The following SMC6 variants were observed in gnomAD, a reference collection of about 807,000 sequenced individuals.
The protein encoded by SMC6 is structural maintenance of chromosomes 6.
In SMC6, 79 loss-of-function variants were observed where a neutral mutation model predicts 142.2. That is an observed-to-expected ratio of 0.56 (90% CI 0.46 to 0.67). The LOEUF (loss-of-function observed/expected upper bound fraction) is 0.67. Among genes scored for constraint, SMC6 ranks in the 30% least tolerant of loss-of-function variants. SMC6 has a pLI of 0.00. For missense variants in SMC6, 1,072 were observed against 1,284.0 expected, an observed-to-expected ratio of 0.83 and a Z score of 2.52; for synonymous variants, 411 against 412.4, an observed-to-expected ratio of 1.00 and a Z score of 0.04.
At chr2:17,718,293 A>T in intron 11 of SMC6, 70 bp from the exon 12 acceptor site, 6 of 1,025,898 alleles carry the variant, frequency 5.8e-6, no homozygotes, top group Admixed American at 2.9e-5. Flanking sequence ...ATAATTATCT[A>T]TAGTTCATAT....
intron 6 of SMC6, among the ~76,000 whole-genome samples, chr2:17,731,539 A>C (rs1669912371): frequency 6.6e-6 from 1 of 152,234 alleles, no homozygotes; most frequent in African/African-American, 2.4e-5. Flanking sequence ...CAATTCTGCT[A>C]ATCATGCTTT....
Position 17,731,817 on chromosome 2 carries a change from C to T in SMC6, c.405G>A (p.Val135=), listed in dbSNP as rs781006626. 6.2e-7 allele frequency: 1 copy of T among 1,613,748 alleles called. No individual in the cohort carries two copies. The highest frequency in any genetic ancestry group is 8.5e-7 in the Non-Finnish European group (1 of 1,179,798). Reference sequence around the variant, plus strand: ...GCTGTATAAGTATAGAGTTACCATACACACTGGCTTTAAAGGCATCATCTC... The same window carrying T: ...GCTGTATAAGTATAGAGTTACCATATACACTGGCTTTAAAGGCATCATCTC... ...NRGDDAFKAS[V]YGNSILIQQH... Residue 135 remains valine, a synonymous_variant, in exon 6 of 28, where the codon GTG becomes GTA. Transcript: ENST00000448223.
In SMC6 at chr2:17,695,442, T is replaced by C. The variant is rs144845281; in HGVS notation, c.2533-145A>G. On this transcript the variant is annotated intron_variant, in intron 22 of 27. Transcript: ENST00000448223. ...TTACATTTAATATCAATGTTATTTA[T>C]ATTTATCTAAGTTTTATATTGAAGA... 966 of 654,142 alleles carry C rather than the reference T, an allele frequency of 1.5e-3. 14 individuals carry two copies. In the African/African-American group the frequency reaches 0.016, roughly 11 times the overall value. 40.5% of individuals were successfully genotyped at this position (654,142 alleles called of 1,614,324 possible).
rs1669628620 is a variant in SMC6 at position 17,726,421 on chromosome 2, A to G, written c.592T>C (p.Leu198=). 1 of 1,612,314 alleles carries G rather than the reference A, an allele frequency of 6.2e-7. No homozygotes were observed. The highest frequency in any genetic ancestry group is 1.7e-5 in the Admixed American group (1 of 59,778). The change falls in exon 8 of 28, where the codon TTA becomes CTA. Residue 198 remains leucine, a synonymous_variant. Transcript: ENST00000448223. Reference sequence around the variant, plus strand: ...TTGTCTCCTTCATTTTTAGACTGTAAGAACTGCTTGCTCATTTCTTGTGTT... The same window carrying G: ...TTGTCTCCTTCATTTTTAGACTGTAGGAACTGCTTGCTCATTTCTTGTGTT... ...VLTQEMSKQF[L]QSKNEGDKYK... is the part of the protein sequence containing the mutation.
At chr2:17,702,095 T>C (rs576987516) in intron 19 of SMC6, among the ~76,000 whole-genome samples, 186 bp from the exon 20 acceptor site, 26 of 152,336 alleles carry the variant, frequency 1.7e-4, no homozygotes, top group Non-Finnish European at 3.1e-4. Context: ...ATATCATTCT[T>C]ATATACTAAT....
At chr2:17,670,680 T>C (rs546041198) in intron 25 of SMC6, 105 bp from the exon 26 acceptor site, 4 of 1,165,894 alleles carry the variant, frequency 3.4e-6, no homozygotes, top group Non-Finnish European at 4.7e-6. Context: ...AAAAAGGAGA[T>C]GGGAATAAAA....
chr2:17,686,343 A>T (rs879404854), intron 23 of SMC6, among the ~76,000 whole-genome samples: 1 of 152,118 alleles, frequency 6.6e-6, no homozygotes, highest in Admixed American at 6.6e-5. Context: ...TTAGCTGGGC[A>T]TGGTGGCAGG....
intron 23 of SMC6, among the ~76,000 whole-genome samples, chr2:17,685,659 G>C (rs1053600135): frequency 1.3e-5 from 2 of 151,642 alleles, no homozygotes; most frequent in African/African-American, 4.8e-5. Flanking sequence ...AAAAATCATA[G>C]GTAATTAGAA....
At chr2:17,731,261 C>T (rs1445014675) in intron 6 of SMC6, 122 bp from the exon 7 acceptor site, 3 of 661,080 alleles carry the variant, frequency 4.5e-6, no homozygotes, top group Non-Finnish European at 7.8e-6. Context: ...AGAAAGGTAC[C>T]ATTGAATACG....
At chr2:17,716,029 G>T in intron 15 of SMC6, 57 bp downstream of exon 15, 1 of 1,329,810 alleles carries the variant, frequency 7.5e-7, no homozygotes, top group Non-Finnish European at 9.9e-7. Flanking sequence ...CAATCGTTCT[G>T]AAAATAAAAA....
At chr2:17,684,779 T>C (rs1667375989) in intron 23 of SMC6, among the ~76,000 whole-genome samples, 1 of 152,128 alleles carries the variant, frequency 6.6e-6, no homozygotes, top group Non-Finnish European at 1.5e-5. Context: ...TGAGCCATGA[T>C]TGTACCACTG....
intron 4 of SMC6, among the ~76,000 whole-genome samples, chr2:17,740,583 G>A (rs1433319529): frequency 3.3e-5 from 5 of 152,198 alleles, no homozygotes; most frequent in African/African-American, 1.2e-4. Flanking sequence ...GCCGGGCGCA[G>A]TGGCTCACAC....
Position 17,731,825 on chromosome 2 carries a change from C to T in SMC6, c.397G>A (p.Ala133Thr), listed in dbSNP as rs1360857081. The T allele has an allele frequency of 1.9e-6, 3 of 1,613,788 alleles. No individual in the cohort carries two copies. Among genetic ancestry groups the T allele is most frequent in the Admixed American group, 1.7e-5 (1 of 60,012 alleles). ...AGTATAGAGTTACCATACACACTGG[C>T]TTTAAAGGCATCATCTCCTCTGTTC... ...LRNRGDDAFK[A>T]SVYGNSILIQ... is the part of the protein sequence containing the mutation. The change falls in exon 6 of 28, where the codon GCC (alanine) becomes ACC (threonine). Residue 133 changes from alanine (A) to threonine (T), a missense_variant. Transcript: ENST00000448223.
Position 17,700,334 on chromosome 2 carries a change from C to T in SMC6, c.2268G>A (p.Glu756=), listed in dbSNP as rs1298687202. ...TTTCTTTTTGTTGCTCCATATGTTC[C>T]TCAACCATTTTCATTTTGCTTTTAT... The part of the protein sequence containing the change: ...QENKSKMKMV[E]EHMEQQKENM... The change falls in exon 21 of 28, where the codon GAG becomes GAA. Residue 756 remains glutamate, a synonymous_variant. Coordinates refer to ENST00000448223, the MANE Select transcript of SMC6 (RefSeq NM_001142286.2). 1.2e-6 allele frequency: 2 copies of T among 1,608,084 alleles called. No homozygotes were observed. Among genetic ancestry groups the T allele is most frequent in the Non-Finnish European group, 1.7e-6 (2 of 1,177,856 alleles).
intron 6 of SMC6, 137 bp from the exon 7 acceptor site, chr2:17,731,276 A>G: frequency 1.6e-6 from 1 of 620,810 alleles, no homozygotes; most frequent in South Asian, 2.0e-5. Flanking sequence ...AATACGTACA[A>G]ATATGAATGA....
chr2:17,683,902 A>C, intron 23 of SMC6, 139 bp from the exon 24 acceptor site: 1 of 750,154 alleles, frequency 1.3e-6, no homozygotes, highest in Non-Finnish European at 2.3e-6. Context: ...CAATTTCATA[A>C]ATTTCCAGGC....
At chr2:17,722,878 G>C (rs1324876174) in intron 9 of SMC6, among the ~76,000 whole-genome samples, 1 of 151,656 alleles carries the variant, frequency 6.6e-6, no homozygotes, top group Non-Finnish European at 1.5e-5. Context: ...TTTTTATTGA[G>C]ACCAGACTTA....
intron 24 of SMC6, among the ~76,000 whole-genome samples, chr2:17,682,299 G>A (rs976061378): frequency 6.6e-6 from 1 of 152,178 alleles, no homozygotes; most frequent in African/African-American, 2.4e-5. Flanking sequence ...CTATCAGATA[G>A]TGACTATCAG....
chr2:17,683,749 G>A lies in SMC6; in HGVS notation c.2693C>T (p.Ala898Val), dbSNP rs1261249457. Residue 898 changes from alanine to valine, a missense_variant, in exon 24 of 28, where the codon GCA (alanine) becomes GTA (valine). Transcript: ENST00000448223. ...REEIMRQYQE[A>V]RETYLDLDSK... ...ATCCAGATCAAGATAGGTCTCTCTT[G>A]CTTCTTGGTACTGCCTATTATATAA... The A allele has an allele frequency of 3.1e-6, 5 of 1,609,776 alleles. No homozygotes were observed. The highest frequency in any genetic ancestry group is 1.3e-5 in the African/African-American group (1 of 74,640).
Sources: gnomAD v4.1 joint callset for allele counts (sites outside exome capture counted in the v4.1 genomes callset) on GRCh38, gnomAD v4.1.1 for gene constraint, MANE v1.5 for transcripts, NCBI Gene and HGNC (gene_info 2026-07-23, HGNC 2026-07-21) for gene names.